Variants in C3orf33 observed in about 807,000 individuals in gnomAD.
The protein encoded by C3orf33 is AP-1 activity suppressor.
In C3orf33, 23 loss-of-function variants were observed where a neutral mutation model predicts 28.7. That is an observed-to-expected ratio of 0.80 (90% CI 0.58 to 1.13). C3orf33 has a LOEUF of 1.13. C3orf33 is among the 50% of genes most tolerant of loss of function. The pLI is 0.00. For missense variants in C3orf33, 327 were observed against 353.4 expected, an observed-to-expected ratio of 0.93 and a Z score of 0.60; for synonymous variants, 119 against 120.5, an observed-to-expected ratio of 0.99 and a Z score of 0.08.
intron 3 of C3orf33, among the ~76,000 whole-genome samples, chr3:155,773,665 C>A (rs1750654890): frequency 6.6e-6 from 1 of 152,196 alleles, no homozygotes; most frequent in African/African-American, 2.4e-5. Context: ...AATTACAGTG[C>A]TGTGGCATTG....
chr3:155,800,610 CAAAAAAAAAA>C (rs58092818), intron 2 of C3orf33, among the ~76,000 whole-genome samples: 916 of 15,564 alleles, frequency 0.059, 5 homozygotes, highest in Non-Finnish European at 0.083. Flanking sequence ...ACCTTATCTC[CAAAAAAAAAA>C]AAAAAAAAAA....
chr3:155,769,485 CAAAA>C (rs59639224), intron 3 of C3orf33, among the ~76,000 whole-genome samples: 3 of 84,324 alleles, frequency 3.6e-5, no homozygotes, highest in African/African-American at 3.9e-5. Flanking sequence ...GAGACTGTTT[CAAAA>C]AAAAAAAAAA....
intron 1 of C3orf33, chr3:155,805,821 C>T: frequency 2.0e-6 from 1 of 497,650 alleles, no homozygotes; most frequent in Non-Finnish European, 3.7e-6. Flanking sequence ...TCTGGGCCCT[C>T]CCCAAATGCT....
At position 155,767,592 on chromosome 3, in the gene C3orf33, CT is replaced by C; in HGVS notation, c.399del (p.Glu134SerfsTer2). ...LAETGKAWLQ[K>X]ELKPSQLLWF... ...CATAGTAATTGGGAAGGTTTTAGCT[CT>C]TTTTGTAACCATGCCTTCCCAGTTT... is the stretch of plus-strand genomic sequence containing the variant. On this transcript the variant is annotated frameshift_variant, in exon 4 of 5. Transcript: ENST00000340171. LOFTEE classifies it high-confidence loss of function. The C allele has an allele frequency of 6.3e-7, 1 of 1,597,026 alleles. No homozygotes were observed.
At chr3:155,776,666 G>A (rs927560699) in intron 2 of C3orf33, among the ~76,000 whole-genome samples, 5 of 150,000 alleles carry the variant, frequency 3.3e-5, no homozygotes, top group Non-Finnish European at 5.9e-5. Flanking sequence ...CAGAACAGGA[G>A]GGTCACTTGA....
rs555799049 is a variant in C3orf33, at chr3:155,800,864, A to C, written c.174+1668T>G. On this transcript the variant is annotated intron_variant, in intron 2 of 4. Transcript: ENST00000340171. ...ACTAATCATTAGAAAAATGCAAATC[A>C]AAACCACAATAAGATACTACCTCAA... 5.3e-5 allele frequency among the ~76,000 whole-genome samples: 8 copies of C among 152,234 alleles called. No homozygotes were observed. The East Asian group carries it at 1.2e-3, about 22-fold the overall frequency.
chr3:155,768,178 C>G (rs549154777), intron 3 of C3orf33, among the ~76,000 whole-genome samples: 3 of 152,140 alleles, frequency 2.0e-5, no homozygotes, highest in African/African-American at 7.2e-5. Flanking sequence ...CCACGCCCAG[C>G]CTTCAAAAAC....
At chr3:155,799,590 G>A (rs1284658418) in intron 2 of C3orf33, among the ~76,000 whole-genome samples, 2 of 152,112 alleles carry the variant, frequency 1.3e-5, no homozygotes, top group Non-Finnish European at 2.9e-5. Flanking sequence ...TCAGGAGGCT[G>A]ACATGAGAGG....
chr3:155,777,565 C>T (rs999069893), intron 2 of C3orf33, among the ~76,000 whole-genome samples: 2 of 151,986 alleles, frequency 1.3e-5, no homozygotes, highest in Non-Finnish European at 2.9e-5. Flanking sequence ...CTCAGCCCCC[C>T]AAGTAGGACT....
chr3:155,801,216 CA>C (rs1751638336), intron 2 of C3orf33, among the ~76,000 whole-genome samples: 1 of 150,398 alleles, frequency 6.6e-6, no homozygotes, highest in Non-Finnish European at 1.5e-5. Flanking sequence ...GAGGCTGAGG[CA>C]GGAGAATTGC....
intron 2 of C3orf33, among the ~76,000 whole-genome samples, chr3:155,786,103 G>A (rs1162841521): frequency 6.6e-6 from 1 of 151,560 alleles, no homozygotes; most frequent in Non-Finnish European, 1.5e-5. Context: ...AGGAAAAAGG[G>A]AAGGGGAAAT....
At chr3:155,794,314 C>T (rs1011221580) in intron 2 of C3orf33, among the ~76,000 whole-genome samples, 1 of 151,926 alleles carries the variant, frequency 6.6e-6, no homozygotes, top group Non-Finnish European at 1.5e-5. Context: ...ATGTTGTCAT[C>T]GGTTTAAAAT....
In C3orf33 at chr3:155,803,618, C is replaced by T. The variant is rs192707172; in HGVS notation, c.115-1027G>A. 3.5e-3 allele frequency among the ~76,000 whole-genome samples: 517 copies of T among 147,646 alleles called. 5 individuals carry two copies. Among genetic ancestry groups the T allele is most frequent in the Middle Eastern group, 0.011 (3 of 274 alleles). ...GATTGAGGCCAGGTGTGGTGCCTCA[C>T]GCCTGTAATCTCAGCACTTGGGGAG... is the stretch of plus-strand genomic sequence containing the variant. On this transcript the variant is annotated intron_variant, in intron 1 of 4. Coordinates refer to ENST00000340171, the MANE Select transcript of C3orf33 (RefSeq NM_001308229.2).
At chr3:155,782,953 T>G (rs1164710922) in intron 2 of C3orf33, among the ~76,000 whole-genome samples, 1 of 152,198 alleles carries the variant, frequency 6.6e-6, no homozygotes, top group Non-Finnish European at 1.5e-5. Flanking sequence ...AAATCTGAAC[T>G]GCTCCAAAAT....
At chr3:155,782,797 T>G (rs1322170586) in intron 2 of C3orf33, among the ~76,000 whole-genome samples, 2 of 152,208 alleles carry the variant, frequency 1.3e-5, no homozygotes, top group African/African-American at 4.8e-5. Context: ...CTTGAAGCCA[T>G]ATGAAGAGAT....
chr3:155,788,456 A>T (rs113042609), intron 2 of C3orf33, among the ~76,000 whole-genome samples: 1,908 of 152,048 alleles, frequency 0.013, 50 homozygotes, highest in African/African-American at 0.045. Flanking sequence ...AGGCTGAGGC[A>T]GGTGGATCAC....
At position 155,784,122 on chromosome 3, in the gene C3orf33, G is replaced by A. The variant is rs1241748211; in HGVS notation, c.175-8274C>T. Among the ~76,000 whole-genome samples the A allele has an allele frequency of 2.0e-5, 3 of 151,404 alleles. No individual in the cohort carries two copies. In the East Asian group the frequency reaches 5.9e-4, roughly 30 times the overall value. On this transcript the variant is annotated intron_variant, in intron 2 of 4. Transcript: ENST00000340171. ...AATTTTGTATTTTTAGTAGAGATGG[G>A]TTTCTCCTTGTTGGTCAAGCTGGTC...
intron 2 of C3orf33, among the ~76,000 whole-genome samples, chr3:155,789,069 A>T (rs1245524679): frequency 6.6e-6 from 1 of 152,150 alleles, no homozygotes; most frequent in African/African-American, 2.4e-5. Flanking sequence ...TCCATTGGCC[A>T]GGTGTGGTGG....
rs1750299854 is a variant in C3orf33 at position 155,763,536 on chromosome 3, T to C, written c.866A>G (p.Asn289Ser). ...ACCGTTTCACCCTTTTCTACGAAAG[T>C]TTATGCGACTTATAAGTTCTCTGAA... ...LKFRELISRI[N>S]FRRKG The change falls in exon 5 of 5, where the codon AAC becomes AGC. Residue 289 changes from asparagine to serine, a missense_variant. By Grantham distance (46) the Asn-to-Ser change is conservative. Transcript: ENST00000340171. 1.3e-6 allele frequency: 2 copies of C among 1,516,374 alleles called. No individual in the cohort carries two copies. The highest frequency in any genetic ancestry group is 2.5e-5 in the Admixed American group (1 of 39,732). 93.9% of individuals were successfully genotyped at this position (1,516,374 alleles called of 1,614,324 possible).
Sources: gnomAD v4.1 joint callset for allele counts (sites outside exome capture counted in the v4.1 genomes callset) on GRCh38, gnomAD v4.1.1 for gene constraint, MANE v1.5 for transcripts, NCBI Gene and HGNC (gene_info 2026-07-23, HGNC 2026-07-21) for gene names.